Variants in COL4A2 observed in about 807,000 individuals in gnomAD.
COL4A2 encodes collagen type IV alpha 2 chain, also known as collagen alpha-2(IV) chain.
Under a neutral mutation model 200.2 loss-of-function variants are expected in COL4A2, and 99 were observed. The ratio of observed to expected loss-of-function variants is 0.49; its 90% CI spans 0.42 to 0.58. The LOEUF is 0.58. COL4A2 is among the 20% of genes least tolerant of loss of function. COL4A2 has a pLI of 0.00. For synonymous variants in COL4A2, 897 were observed against 900.6 expected (o/e 1.00, Z 0.07); for missense variants, 1,950 against 2,314.1 (o/e 0.84, Z 3.23).
intron 45 of COL4A2, among the ~76,000 whole-genome samples, chr13:110,506,059 T>A (rs1883850340): frequency 6.6e-6 from 1 of 152,146 alleles, no homozygotes; most frequent in South Asian, 2.1e-4. Context: ...AGAGCGATGG[T>A]TCTAGGCGCA....
intron 31 of COL4A2, among the ~76,000 whole-genome samples, chr13:110,480,820 A>G (rs1882872654): frequency 6.6e-6 from 1 of 152,278 alleles, no homozygotes; most frequent in Non-Finnish European, 1.5e-5. Flanking sequence ...AGGCCAATCT[A>G]GAAGCAGAGC....
chr13:110,491,759 A>G (rs1452216286), intron 37 of COL4A2, among the ~76,000 whole-genome samples: 2 of 152,202 alleles, frequency 1.3e-5, no homozygotes, highest in Non-Finnish European at 2.9e-5. Context: ...GGGGAATGCC[A>G]AGAGGCTCAT....
chr13:110,370,454 A>G (rs575640611), intron 4 of COL4A2, among the ~76,000 whole-genome samples: 107 of 152,234 alleles, frequency 7.0e-4, no homozygotes, highest in African/African-American at 2.5e-3. Context: ...ACGGGGTTTC[A>G]CTGTGTTGGC....
chr13:110,504,373 G>A (rs1883768981), intron 45 of COL4A2, 109 bp downstream of exon 45: 2 of 876,118 alleles, frequency 2.3e-6, no homozygotes, highest in South Asian at 1.5e-5. Context: ...AGCCAGAAAT[G>A]AGGCGCTGCC....
At position 110,465,581 on chromosome 13, in the gene COL4A2, C is replaced by A. The variant is rs376903605; in HGVS notation, c.1953C>A (p.Gly651=). ...PGPPGFLGPP[G]PAGTPGQIDC... is the part of the protein sequence containing the mutation. Reference sequence around the variant, plus strand: ...CACCAGGCTTCCTGGGCCCTCCTGGCCCCGCAGGGACCCCAGGACAAATAG... The same window carrying A: ...CACCAGGCTTCCTGGGCCCTCCTGGACCCGCAGGGACCCCAGGACAAATAG... The change falls in exon 25 of 48, where the codon GGC becomes GGA. Residue 651 remains glycine (G), a synonymous_variant. Transcript: ENST00000360467. 1 of 1,613,400 alleles carries A rather than the reference C, an allele frequency of 6.2e-7. No individual in the cohort carries two copies. The highest frequency in any genetic ancestry group is 1.1e-5 in the South Asian group (1 of 91,054).
intron 4 of COL4A2, among the ~76,000 whole-genome samples, chr13:110,379,324 C>T (rs1175837327): frequency 6.6e-6 from 1 of 152,166 alleles, no homozygotes; most frequent in Non-Finnish European, 1.5e-5. Context: ...TGCTCAGCAC[C>T]CTAAGCTAAG....
intron 14 of COL4A2, among the ~76,000 whole-genome samples, chr13:110,438,287 A>G (rs1360681003): frequency 2.6e-5 from 4 of 152,224 alleles, no homozygotes; most frequent in African/African-American, 9.6e-5. Flanking sequence ...GAGCATGGAG[A>G]TGGCGGAGGG....
In COL4A2 at chr13:110,450,420, A is replaced by AC. The variant is rs760815043; in HGVS notation, c.1311dup (p.Gly438ArgfsTer9). ...CTGATGGAAAGCGAGGGCCTCCAGG[A>AC]CCCCCCGGGCTCCCTGGACCACCTG... On this transcript the variant is annotated frameshift_variant, in exon 20 of 48. Coordinates refer to ENST00000360467, the MANE Select transcript of COL4A2 (RefSeq NM_001846.4). LOFTEE classifies it high-confidence loss of function. The AC allele has an allele frequency of 2.5e-6, 4 of 1,613,602 alleles. No homozygotes were observed. The highest frequency in any genetic ancestry group is 1.1e-5 in the South Asian group (1 of 91,050).
intron 4 of COL4A2, among the ~76,000 whole-genome samples, chr13:110,385,955 C>T (rs75238525): frequency 0.59 from 1,175 of 2,004 alleles, 263 homozygotes; most frequent in East Asian, 0.67. Flanking sequence ...GGGCCGTGGT[C>T]ACAGCGTGTG....
Position 110,482,547 on chromosome 13 carries a change from C to T in COL4A2, c.2790C>T (p.Phe930=). Residue 930 remains phenylalanine, a synonymous_variant, in exon 32 of 48, where the codon TTC becomes TTT. Transcript: ENST00000360467. Reference sequence around the variant, plus strand: ...GAGGCTCACCTGGGATGGATGGTTTCCAAGGCATGCCTGGACTCAAAGGGA... The same window carrying T: ...GAGGCTCACCTGGGATGGATGGTTTTCAAGGCATGCCTGGACTCAAAGGGA... ...GDRGSPGMDG[F]QGMPGLKGRP... 6.2e-7 allele frequency: 1 copy of T among 1,614,134 alleles called. No homozygotes were observed. Among genetic ancestry groups the T allele is most frequent in the Non-Finnish European group, 8.5e-7 (1 of 1,180,004 alleles).
rs764746604 is a variant in COL4A2 at position 110,485,626 on chromosome 13, G to A, written c.3026-29G>A. On this transcript the variant is annotated intron_variant, in intron 33 of 47. Coordinates refer to ENST00000360467, the MANE Select transcript of COL4A2 (RefSeq NM_001846.4). ...GAGGGCGGGTGCTGCGTCCTCACCA[G>A]AGTGTTACACACCAGGGTCTTCCTG... 4 of 1,561,710 alleles carry A rather than the reference G, an allele frequency of 2.6e-6. No homozygotes were observed. In the Admixed American group the frequency reaches 6.1e-5, roughly 24 times the overall value.
intron 4 of COL4A2, among the ~76,000 whole-genome samples, chr13:110,413,030 G>C (rs964565419): frequency 6.6e-6 from 1 of 152,208 alleles, no homozygotes; most frequent in Non-Finnish European, 1.5e-5. Flanking sequence ...GATTGCGGAT[G>C]ATGTTTTCCG....
At chr13:110,317,994 G>C (rs1754458017) in intron 3 of COL4A2, among the ~76,000 whole-genome samples, 1 of 152,312 alleles carries the variant, frequency 6.6e-6, no homozygotes, top group African/African-American at 2.4e-5. Flanking sequence ...CCGTGTTTGT[G>C]CTGCTGTTTT....
chr13:110,418,038 A>T (rs1433047597), intron 4 of COL4A2, among the ~76,000 whole-genome samples: 1 of 152,036 alleles, frequency 6.6e-6, no homozygotes, highest in African/African-American at 2.4e-5. Flanking sequence ...CATCCTTCCC[A>T]GCTCTTGGCG....
At chr13:110,465,273 T>C in intron 24 of COL4A2, 132 bp from the exon 25 acceptor site, 1 of 1,190,152 alleles carries the variant, frequency 8.4e-7, no homozygotes, top group East Asian at 2.6e-5. Context: ...ACTAGGTTCC[T>C]GTTCATCTCT....
At chr13:110,486,825 C>A (rs435963) in intron 34 of COL4A2, among the ~76,000 whole-genome samples, 129,796 of 151,676 alleles carry the variant, frequency 0.86, 55,537 homozygotes, top group Middle Eastern at 0.93. Context: ...TTGAGCCAGG[C>A]TGAGCCAGGA....
chr13:110,308,232 T>C, intron 3 of COL4A2, 109 bp downstream of exon 3: 1 of 1,260,676 alleles, frequency 7.9e-7, no homozygotes, highest in Non-Finnish European at 1.1e-6. Context: ...TGTGTGTGCG[T>C]GTGGATGTTC....
intron 3 of COL4A2, among the ~76,000 whole-genome samples, chr13:110,336,703 C>A (rs774979489): frequency 6.6e-6 from 1 of 152,224 alleles, no homozygotes; most frequent in Non-Finnish European, 1.5e-5. Flanking sequence ...CATCTGCAAG[C>A]AGCTCATCTG....
Position 110,309,849 on chromosome 13 carries a change from G to A in COL4A2, c.99+1726G>A, listed in dbSNP as rs140158013. Among the ~76,000 whole-genome samples, 249 of 152,242 alleles carry A rather than the reference G, an allele frequency of 1.6e-3. 1 individual carries two copies. Among genetic ancestry groups the A allele is most frequent in the Admixed American group, 0.012 (184 of 15,294 alleles). ...TACTAAAATACAAAAAAATCAGCCG[G>A]GCTTGGTGGCGCTTGCCTGTAATTC... On this transcript the variant is annotated intron_variant, in intron 3 of 47. Coordinates refer to ENST00000360467, the MANE Select transcript of COL4A2 (RefSeq NM_001846.4).
Sources: allele counts gnomAD v4.1 joint callset (sites outside exome capture counted in the v4.1 genomes callset), GRCh38; gene constraint gnomAD v4.1.1; transcripts MANE v1.5; gene names NCBI Gene and HGNC (gene_info 2026-07-23, HGNC 2026-07-21).